Variants in MTUS2 observed in about 807,000 individuals in gnomAD.
MTUS2 encodes microtubule associated scaffold protein 2.
In MTUS2, 40 loss-of-function variants were observed where a neutral mutation model predicts 114.1. That is an observed-to-expected ratio of 0.35 (90% CI 0.27 to 0.46). The LOEUF is 0.46. MTUS2 is among the 20% of genes least tolerant of loss of function. The probability of loss-of-function intolerance (pLI) is 1.00; values close to 1 mark genes in which losing one functional copy is unlikely to be tolerated. For synonymous variants in MTUS2, 688 were observed against 672.0 expected (o/e 1.02, Z -0.37); for missense variants, 1,679 against 1,705.4 (o/e 0.98, Z 0.27).
intron 6 of MTUS2, among the ~76,000 whole-genome samples, chr13:29,315,959 G>A (rs943758610): frequency 6.6e-6 from 1 of 152,172 alleles, no homozygotes; most frequent in African/African-American, 2.4e-5. Flanking sequence ...GATGCCCAGG[G>A]TCTTGATTCA....
At chr13:29,204,890 C>T (rs577806658) in intron 5 of MTUS2, among the ~76,000 whole-genome samples, 8 of 152,290 alleles carry the variant, frequency 5.3e-5, no homozygotes, top group South Asian at 2.1e-4. Context: ...GCCAGTGCCT[C>T]GCCAAATCGG....
At chr13:29,316,218 G>A (rs1178106492) in intron 6 of MTUS2, among the ~76,000 whole-genome samples, 2 of 152,172 alleles carry the variant, frequency 1.3e-5, no homozygotes, top group African/African-American at 4.8e-5. Context: ...GAGTTTGAAG[G>A]AGACCTCCTG....
chr13:29,048,733 G>C (rs1464601869), intron 4 of MTUS2, among the ~76,000 whole-genome samples: 3 of 152,184 alleles, frequency 2.0e-5, no homozygotes, highest in Non-Finnish European at 4.4e-5. Flanking sequence ...GCCTTCCAAA[G>C]TTCTGGGATT....
At chr13:29,280,131 A>G (rs534995945) in intron 5 of MTUS2, among the ~76,000 whole-genome samples, 2 of 152,314 alleles carry the variant, frequency 1.3e-5, no homozygotes, top group South Asian at 2.1e-4. Context: ...CATCCACTGG[A>G]TAATTCAGAA....
At chr13:29,472,482 G>T (rs1386829015) in intron 9 of MTUS2, among the ~76,000 whole-genome samples, 1 of 152,196 alleles carries the variant, frequency 6.6e-6, no homozygotes, top group Non-Finnish European at 1.5e-5. Flanking sequence ...CCACCTTGCG[G>T]ATGTTCCTGT....
chr13:28,861,529 AAAG>A (rs1167723360), intron 2 of MTUS2, among the ~76,000 whole-genome samples: 1 of 151,720 alleles, frequency 6.6e-6, no homozygotes, highest in East Asian at 1.9e-4. Flanking sequence ...GTATGTGAAT[AAAG>A]AAGCAAAATG....
intron 1 of MTUS2, among the ~76,000 whole-genome samples, chr13:28,826,911 A>G (rs1874306957): frequency 6.6e-6 from 1 of 152,214 alleles, no homozygotes; most frequent in Non-Finnish European, 1.5e-5. Flanking sequence ...TTTAATATGA[A>G]CACTAGCTCT....
At chr13:29,046,605 C>G (rs780725052) in intron 4 of MTUS2, among the ~76,000 whole-genome samples, 1 of 152,178 alleles carries the variant, frequency 6.6e-6, no homozygotes, top group Non-Finnish European at 1.5e-5. Context: ...AAACCCTTCC[C>G]CTGCATTTTC....
At chr13:29,119,731 C>T (rs944302288) in intron 5 of MTUS2, among the ~76,000 whole-genome samples, 2 of 152,062 alleles carry the variant, frequency 1.3e-5, no homozygotes, top group African/African-American at 4.8e-5. Flanking sequence ...CCCATTCAGG[C>T]CCTTAAAGGA....
chr13:29,325,576 G>A (rs796857707), intron 7 of MTUS2, among the ~76,000 whole-genome samples: 2,208 of 26,154 alleles, frequency 0.084, 48 homozygotes, highest in African/African-American at 0.11. Context: ...AAGAAGAGGA[G>A]GAGGAAGAGG....
chr13:28,885,246 CAT>C (rs894963348), intron 2 of MTUS2, among the ~76,000 whole-genome samples: 1 of 152,088 alleles, frequency 6.6e-6, no homozygotes, highest in Non-Finnish European at 1.5e-5. Flanking sequence ...AGAATACAGA[CAT>C]ATGTGTTCAA....
chr13:29,377,849 T>A (rs919142099), intron 8 of MTUS2, among the ~76,000 whole-genome samples: 1 of 152,062 alleles, frequency 6.6e-6, no homozygotes, highest in Non-Finnish European at 1.5e-5. Flanking sequence ...AAGTGGTCAA[T>A]GAAACTGATA....
intron 2 of MTUS2, among the ~76,000 whole-genome samples, chr13:28,981,312 A>G (rs1566267802): frequency 6.6e-6 from 1 of 152,244 alleles, no homozygotes. Flanking sequence ...CAAATGCTAC[A>G]TATTGTATGA....
intron 5 of MTUS2, among the ~76,000 whole-genome samples, chr13:29,110,360 C>T (rs1419518541): frequency 1.3e-5 from 2 of 152,174 alleles, no homozygotes; most frequent in African/African-American, 4.8e-5. Flanking sequence ...TTCCATTGTA[C>T]TAGGGCTTAC....
intron 4 of MTUS2, among the ~76,000 whole-genome samples, chr13:29,086,632 G>T (rs2479789): frequency 0.65 from 98,225 of 151,968 alleles, 32,832 homozygotes; most frequent in Non-Finnish European, 0.74. Flanking sequence ...ATATGAATTT[G>T]AGAATACGTT....
chr13:29,074,236 A>G (rs1244878941), intron 4 of MTUS2, among the ~76,000 whole-genome samples: 1 of 151,996 alleles, frequency 6.6e-6, no homozygotes, highest in Non-Finnish European at 1.5e-5. Flanking sequence ...AAAATGCCCT[A>G]TTTCTTCTAT....
chr13:29,330,800 G>A (rs995059496), intron 7 of MTUS2, among the ~76,000 whole-genome samples: 6 of 152,126 alleles, frequency 3.9e-5, no homozygotes, highest in African/African-American at 1.4e-4. Context: ...CTATATATCT[G>A]TTTTGGTACC....
chr13:29,434,521 A>G (rs1287520544), intron 8 of MTUS2, among the ~76,000 whole-genome samples: 1 of 152,196 alleles, frequency 6.6e-6, no homozygotes, highest in African/African-American at 2.4e-5. Flanking sequence ...GTTATTTGGT[A>G]TACATTTCCT....
At chr13:29,150,050 A>G (rs558679350) in intron 5 of MTUS2, among the ~76,000 whole-genome samples, 1 of 152,284 alleles carries the variant, frequency 6.6e-6, no homozygotes, top group East Asian at 1.9e-4. Context: ...TAATTCTATG[A>G]AGAGTGTCAA....
Sources: gnomAD v4.1 joint callset for allele counts (sites outside exome capture counted in the v4.1 genomes callset) on GRCh38, gnomAD v4.1.1 for gene constraint, MANE v1.5 for transcripts, NCBI Gene and HGNC (gene_info 2026-07-23, HGNC 2026-07-21) for gene names.